ADAMTS12: variants seen among roughly 807,000 people sequenced by gnomAD.
The protein encoded by ADAMTS12 is ADAM metallopeptidase with thrombospondin type 1 motif 12, also known as A disintegrin and metalloproteinase with thrombospondin motifs 12.
ADAMTS12 carries 118 observed loss-of-function variants against 167.8 expected under a neutral mutation model. The ratio of observed to expected loss-of-function variants is 0.70; its 90% CI spans 0.61 to 0.82. ADAMTS12 has a LOEUF of 0.82. Among genes scored for constraint, ADAMTS12 ranks in the 40% least tolerant of loss-of-function variants. The pLI, the probability that ADAMTS12 is intolerant of heterozygous loss-of-function variation, is 0.00. For synonymous variants in ADAMTS12, 704 were observed against 716.9 expected (o/e 0.98, Z 0.29); for missense variants, 1,916 against 1,998.8 (o/e 0.96, Z 0.79).
At chr5:33,770,961 G>T (rs751119368) in intron 2 of ADAMTS12, among the ~76,000 whole-genome samples, 2 of 151,910 alleles carry the variant, frequency 1.3e-5, no homozygotes, top group South Asian at 4.1e-4. Context: ...AAAGTGTTGG[G>T]ATTTGAGATG....
At chr5:33,599,776 TC>T (rs1272915274) in intron 16 of ADAMTS12, among the ~76,000 whole-genome samples, 2 of 152,190 alleles carry the variant, frequency 1.3e-5, no homozygotes, top group Non-Finnish European at 2.9e-5. Context: ...ACTCATTAAC[TC>T]TGAAAATCGA....
At chr5:33,695,483 T>C (rs886131983) in intron 3 of ADAMTS12, among the ~76,000 whole-genome samples, 1 of 152,216 alleles carries the variant, frequency 6.6e-6, no homozygotes, top group African/African-American at 2.4e-5. Flanking sequence ...AAATGTCGTA[T>C]ATACAATACA....
At chr5:33,628,795 T>A (rs1484546879) in intron 13 of ADAMTS12, among the ~76,000 whole-genome samples, 2 of 152,230 alleles carry the variant, frequency 1.3e-5, no homozygotes, top group East Asian at 3.8e-4. Context: ...CATATTTGAT[T>A]TGACACCATT....
chr5:33,825,865 T>C (rs565864572), intron 2 of ADAMTS12, among the ~76,000 whole-genome samples: 1 of 152,306 alleles, frequency 6.6e-6, no homozygotes, highest in East Asian at 1.9e-4. Context: ...ATTCTTGTCA[T>C]GTGGTTCCTC....
chr5:33,609,215 TAAACTCCCTATGTGAAATTC>T (rs898471556), intron 16 of ADAMTS12, among the ~76,000 whole-genome samples: 9 of 152,208 alleles, frequency 5.9e-5, no homozygotes, highest in Non-Finnish European at 1.5e-5. Context: ...TTAGGTGGGT[TAAACTCCCTATGTGAAATTC>T]AAAATCTAAA....
intron 2 of ADAMTS12, among the ~76,000 whole-genome samples, chr5:33,859,557 G>C (rs1749526835): frequency 6.6e-6 from 1 of 152,194 alleles, no homozygotes; most frequent in African/African-American, 2.4e-5. Flanking sequence ...AGAGCATTTG[G>C]GTGAAGGGGT....
chr5:33,549,490 T>C (rs1441002010), intron 20 of ADAMTS12, 107 bp from the exon 21 acceptor site: 2 of 1,350,550 alleles, frequency 1.5e-6, no homozygotes, highest in Non-Finnish European at 2.0e-6. Context: ...AAAGAGGGGT[T>C]AGGTCTAGTT....
intron 13 of ADAMTS12, among the ~76,000 whole-genome samples, chr5:33,629,502 T>C (rs1026699827): frequency 2.0e-5 from 3 of 152,222 alleles, no homozygotes; most frequent in South Asian, 2.1e-4. Flanking sequence ...GAGCAACTAA[T>C]GTTAAGAAAA....
intron 2 of ADAMTS12, among the ~76,000 whole-genome samples, chr5:33,797,476 AG>A (rs1746824591): frequency 7.5e-6 from 1 of 133,946 alleles, no homozygotes; most frequent in Non-Finnish European, 1.7e-5. Context: ...GAAACACAGG[AG>A]AAAGATTCTG....
At chr5:33,625,962 C>A (rs1579766087) in intron 13 of ADAMTS12, among the ~76,000 whole-genome samples, 2 of 152,208 alleles carry the variant, frequency 1.3e-5, no homozygotes, top group East Asian at 3.8e-4. Context: ...CACAGAAAGC[C>A]CACAACAGTA....
At chr5:33,563,973 C>T (rs186619333) in intron 19 of ADAMTS12, among the ~76,000 whole-genome samples, 2 of 152,296 alleles carry the variant, frequency 1.3e-5, no homozygotes, top group Admixed American at 1.3e-4. Flanking sequence ...GGACTAAACC[C>T]CAGAAAGTCT....
chr5:33,544,310 T>G (rs1338234553), intron 22 of ADAMTS12, among the ~76,000 whole-genome samples: 1 of 152,190 alleles, frequency 6.6e-6, no homozygotes, highest in Non-Finnish European at 1.5e-5. Flanking sequence ...ACAAGGTATG[T>G]GATGGACCTC....
intron 1 of ADAMTS12, among the ~76,000 whole-genome samples, chr5:33,884,623 A>G (rs980540615): frequency 1.3e-5 from 2 of 152,172 alleles, no homozygotes; most frequent in African/African-American, 4.8e-5. Context: ...TCTCTCTCTG[A>G]AATCTCTCCA....
intron 2 of ADAMTS12, among the ~76,000 whole-genome samples, chr5:33,854,796 G>A (rs1423986702): frequency 4.6e-5 from 7 of 152,194 alleles, no homozygotes; most frequent in Non-Finnish European, 1.0e-4. Context: ...GCCAGCCAGA[G>A]GCCCCATTCC....
chr5:33,783,978 A>C (rs576438577), intron 2 of ADAMTS12, among the ~76,000 whole-genome samples: 1 of 152,044 alleles, frequency 6.6e-6, no homozygotes, highest in African/African-American at 2.4e-5. Flanking sequence ...AACAAACCAA[A>C]TTTAGCAATA....
At chr5:33,682,899 C>T (rs1291764580) in intron 5 of ADAMTS12, 119 bp downstream of exon 5, 19 of 732,838 alleles carry the variant, frequency 2.6e-5, no homozygotes, top group Admixed American at 1.2e-4. Flanking sequence ...TTTTCCTTCT[C>T]GATGGGCTTC....
intron 14 of ADAMTS12, among the ~76,000 whole-genome samples, chr5:33,617,183 C>T (rs1400593104): frequency 6.6e-6 from 1 of 150,938 alleles, no homozygotes; most frequent in African/African-American, 2.4e-5. Context: ...TGATTTTTCT[C>T]TTTTGCAAGT....
At chr5:33,715,245 G>C (rs1266505647) in intron 3 of ADAMTS12, among the ~76,000 whole-genome samples, 1 of 151,964 alleles carries the variant, frequency 6.6e-6, no homozygotes, top group African/African-American at 2.4e-5. Flanking sequence ...CAAGGGTTGA[G>C]CTTCATATGT....
chr5:33,878,883 A>G (rs1044423149), intron 2 of ADAMTS12, among the ~76,000 whole-genome samples: 5 of 152,198 alleles, frequency 3.3e-5, no homozygotes, highest in African/African-American at 1.2e-4. Flanking sequence ...CAGGGTTAAC[A>G]ACGACTACTC....
Sources: gnomAD v4.1 joint callset for allele counts (sites outside exome capture counted in the v4.1 genomes callset) on GRCh38, gnomAD v4.1.1 for gene constraint, MANE v1.5 for transcripts, NCBI Gene and HGNC (gene_info 2026-07-23, HGNC 2026-07-21) for gene names.